RBM20: variants seen among roughly 807,000 people sequenced by gnomAD.
RBM20 encodes RNA-binding protein 20.
RBM20 carries 51 observed loss-of-function variants against 110.1 expected under a neutral mutation model. The ratio of observed to expected loss-of-function variants is 0.46; its 90% CI spans 0.37 to 0.59. The LOEUF (loss-of-function observed/expected upper bound fraction) is 0.59. RBM20 is among the 20% of genes least tolerant of loss of function. The pLI is 0.00. For missense variants in RBM20, 1,512 were observed against 1,574.9 expected (o/e 0.96, Z 0.68); for synonymous variants, 589 against 618.2 (o/e 0.95, Z 0.70).
At chr10:110,833,390 G>GGAAAAAAAAAA (rs1272026300) in intron 13 of RBM20, among the ~76,000 whole-genome samples, 3 of 62,202 alleles carry the variant, frequency 4.8e-5, no homozygotes, top group South Asian at 8.6e-4. Flanking sequence ...CTCTGTCTCA[G>GGAAAAAAAAAA]AAAAAAAAAA....
At chr10:110,670,157 C>G (rs1256726677) in intron 1 of RBM20, among the ~76,000 whole-genome samples, 1 of 152,044 alleles carries the variant, frequency 6.6e-6, no homozygotes, top group South Asian at 2.1e-4. Context: ...GTGGTATCAT[C>G]TCTCTTTGCA....
At chr10:110,685,332 T>C (rs926979084) in intron 1 of RBM20, among the ~76,000 whole-genome samples, 4 of 152,080 alleles carry the variant, frequency 2.6e-5, no homozygotes, top group Non-Finnish European at 5.9e-5. Flanking sequence ...TTCTGAGTGG[T>C]GGGTGATCTA....
At chr10:110,768,817 T>TG (rs1359967291) in intron 1 of RBM20, among the ~76,000 whole-genome samples, 3 of 152,222 alleles carry the variant, frequency 2.0e-5, no homozygotes, top group Non-Finnish European at 4.4e-5. Flanking sequence ...ATGTGTTCTC[T>TG]GGGGGAAATC....
rs75828097 is a variant in RBM20 at position 110,740,891 on chromosome 10, A to G, written c.192-39910A>G. 1.9e-3 allele frequency among the ~76,000 whole-genome samples: 287 copies of G among 152,254 alleles called. 1 individual carries two copies. The highest frequency in any genetic ancestry group is 6.7e-3 in the African/African-American group (277 of 41,538). On this transcript the variant is annotated intron_variant, in intron 1 of 13. Transcript: ENST00000369519. ...GCTGGATCCAGATGCTGGATCTCCAACATCCTTGGAGATGTGTGGTGTTGG... is the reference window on the plus strand; with the variant it reads ...GCTGGATCCAGATGCTGGATCTCCAGCATCCTTGGAGATGTGTGGTGTTGG...
At chr10:110,788,248 G>T (rs12768399) in intron 5 of RBM20, among the ~76,000 whole-genome samples, 10,642 of 152,202 alleles carry the variant, frequency 0.07, 637 homozygotes, top group African/African-American at 0.16. Context: ...CGCTTGGGAG[G>T]TTCTGAGGCT....
intron 1 of RBM20, among the ~76,000 whole-genome samples, chr10:110,728,800 C>T (rs1476563715): frequency 2.6e-5 from 4 of 152,140 alleles, no homozygotes; most frequent in South Asian, 2.1e-4. Context: ...CTTGCTGAGT[C>T]GCCAGGTCTC....
At chr10:110,801,924 C>T (rs1014318087) in intron 7 of RBM20, among the ~76,000 whole-genome samples, 10 of 152,042 alleles carry the variant, frequency 6.6e-5, no homozygotes, top group African/African-American at 2.4e-4. Flanking sequence ...TTGGCTGTTC[C>T]ATCTGGATCT....
intron 1 of RBM20, among the ~76,000 whole-genome samples, chr10:110,669,253 G>A (rs930843362): frequency 2.6e-5 from 4 of 152,214 alleles, no homozygotes; most frequent in African/African-American, 9.6e-5. Flanking sequence ...GATAGCCTGA[G>A]AGGGAAGCAC....
At chr10:110,753,641 G>A (rs543883594) in intron 1 of RBM20, among the ~76,000 whole-genome samples, 1 of 152,292 alleles carries the variant, frequency 6.6e-6, no homozygotes, top group Non-Finnish European at 1.5e-5. Context: ...ACTGGTTGCT[G>A]TAACAAATTA....
intron 1 of RBM20, among the ~76,000 whole-genome samples, chr10:110,760,076 T>C (rs1380477884): frequency 3.3e-5 from 5 of 152,208 alleles, no homozygotes; most frequent in Admixed American, 2.6e-4. Flanking sequence ...GTTGATGACC[T>C]TGGTCCCTCT....
intron 9 of RBM20, among the ~76,000 whole-genome samples, chr10:110,815,806 C>A (rs1438446122): frequency 6.6e-6 from 1 of 152,170 alleles, no homozygotes; most frequent in Non-Finnish European, 1.5e-5. Flanking sequence ...CAGAAAGCCC[C>A]AAGAATTTCC....
chr10:110,807,684 C>T (rs763385554), intron 7 of RBM20, among the ~76,000 whole-genome samples: 3 of 152,242 alleles, frequency 2.0e-5, no homozygotes, highest in Admixed American at 6.5e-5. Context: ...CCTCCTCCCA[C>T]GTCGGTCTTT....
chr10:110,837,794 A>C lies in RBM20; in HGVS notation c.*1816A>C, dbSNP rs1240653870. 2.0e-5 allele frequency: 3 copies of C among 152,316 alleles called. No individual in the cohort carries two copies. Among genetic ancestry groups the C allele is most frequent in the Non-Finnish European group, 4.4e-5 (3 of 68,094 alleles). 9.4% of individuals were successfully genotyped at this position (152,316 alleles called of 1,614,324 possible). A position where few individuals can be genotyped will look rare whatever the true frequency, so the allele number is the denominator to read the frequency against. On this transcript the variant is annotated 3_prime_UTR_variant, in exon 14 of 14. Transcript: ENST00000369519. ...CTCATGGGAGCTGGTGAGAGAGAGC[A>C]GTTAAGGCAAGCACCAGGGGAAAGC...
At chr10:110,749,010 G>A (rs1366195121) in intron 1 of RBM20, among the ~76,000 whole-genome samples, 3 of 152,228 alleles carry the variant, frequency 2.0e-5, no homozygotes, top group Non-Finnish European at 2.9e-5. Context: ...TTGGGAAGAT[G>A]TAATCTGAGA....
At chr10:110,682,498 G>A (rs1282438117) in intron 1 of RBM20, among the ~76,000 whole-genome samples, 1 of 152,160 alleles carries the variant, frequency 6.6e-6, no homozygotes, top group Non-Finnish European at 1.5e-5. Context: ...AAATGAACAT[G>A]GCTGGGTCTC....
chr10:110,781,030 T>C lies in RBM20; in HGVS notation c.421T>C (p.Ser141Pro). 1 of 1,551,910 alleles carries C rather than the reference T, an allele frequency of 6.4e-7. No individual in the cohort carries two copies. The highest frequency in any genetic ancestry group is 1.4e-5 in the African/African-American group (1 of 73,154). Residue 141 changes from serine (S) to proline (P), a missense_variant, in exon 2 of 14, where the codon TCT becomes CCT. Ser to Pro is a moderately conservative substitution (Grantham distance 74). This residue lies in a region of RBM20 where 1,149 missense variants were observed against 1,169.4 expected (regional missense o/e 0.98). Transcript: ENST00000369519. ...QPLFNQLRHP[S>P]VITGPHGHAG... is the part of the protein sequence containing the mutation. Reference sequence around the variant, plus strand: ...TCTCTTCAATCAACTGAGGCATCCGTCTGTGATCACTGGCCCCCACGGCCA... The same window carrying C: ...TCTCTTCAATCAACTGAGGCATCCGCCTGTGATCACTGGCCCCCACGGCCA...
chr10:110,822,369 G>A (rs1333160681), intron 11 of RBM20: 2 of 453,980 alleles, frequency 4.4e-6, no homozygotes, highest in Non-Finnish European at 8.8e-6. Flanking sequence ...AAGGAACAGA[G>A]GATCCTTAAA....
intron 7 of RBM20, among the ~76,000 whole-genome samples, chr10:110,802,383 C>CT (rs200758964): frequency 0.38 from 51,474 of 134,804 alleles, 12,102 homozygotes; most frequent in Non-Finnish European, 0.53. Context: ...CAGAACCTGG[C>CT]TTTTTTTTTT....
chr10:110,708,170 G>T (rs1020327699), intron 1 of RBM20, among the ~76,000 whole-genome samples: 25 of 152,300 alleles, frequency 1.6e-4, no homozygotes, highest in African/African-American at 6.0e-4. Flanking sequence ...CTCTGTGCTT[G>T]GGCGTGATGC....
Sources: allele counts gnomAD v4.1 joint callset (sites outside exome capture counted in the v4.1 genomes callset), GRCh38; gene constraint gnomAD v4.1.1; regional missense constraint gnomAD v4.1.1; transcripts MANE v1.5; gene names NCBI Gene and HGNC (gene_info 2026-07-23, HGNC 2026-07-21).